The following SCHIP1 variants were observed in gnomAD, a reference collection of about 807,000 sequenced individuals.
The protein encoded by SCHIP1 is schwannomin interacting protein 1.
Under a neutral mutation model 29.7 loss-of-function variants are expected in SCHIP1, and 8 were observed. The observed-to-expected ratio is 0.27, with a 90% CI of 0.16 to 0.49. The LOEUF (loss-of-function observed/expected upper bound fraction) is 0.49. Ranked by LOEUF, SCHIP1 falls within the 20% of genes least tolerant of loss-of-function variation. SCHIP1 has a pLI of 0.99. For synonymous variants in SCHIP1, 76 were observed against 94.9 expected (o/e 0.80, Z 1.16); for missense variants, 193 against 294.6 (o/e 0.66, Z 2.52).
At chr3:159,645,115 C>T in the SCHIP1 span, among the ~76,000 whole-genome samples, 33 of 152,160 alleles carry the variant, frequency 2.2e-4, no homozygotes, top group African/African-American at 7.2e-4. Context: ...ATTATTCCAG[C>T]GGGAAGAAAA....
the SCHIP1 span, among the ~76,000 whole-genome samples, chr3:159,365,929 C>T: frequency 6.6e-6 from 1 of 152,092 alleles, no homozygotes; most frequent in Admixed American, 6.6e-5. Flanking sequence ...CTTTGGGTTC[C>T]CAACAACCAC....
the SCHIP1 span, among the ~76,000 whole-genome samples, chr3:159,280,048 T>A: frequency 6.6e-6 from 1 of 152,182 alleles, no homozygotes; most frequent in Non-Finnish European, 1.5e-5. Flanking sequence ...TCTTCTATAA[T>A]GGGGGGTAGA....
chr3:159,399,060 C>T, the SCHIP1 span: 1 of 423,528 alleles, frequency 2.4e-6, no homozygotes, highest in Non-Finnish European at 3.2e-6. Flanking sequence ...GCTACACTGG[C>T]TTCATTGGTG....
At chr3:159,700,192 TC>T in the SCHIP1 span, among the ~76,000 whole-genome samples, 3 of 152,098 alleles carry the variant, frequency 2.0e-5, no homozygotes, top group East Asian at 5.8e-4. Context: ...TAATCTAACC[TC>T]CACATAATGA....
chr3:159,403,880 G>A, the SCHIP1 span, among the ~76,000 whole-genome samples: 1 of 152,132 alleles, frequency 6.6e-6, no homozygotes, highest in Non-Finnish European at 1.5e-5. Context: ...CCTTCCTTTA[G>A]CTTAAGGAGA....
chr3:159,546,207 GTTTTA>G, the SCHIP1 span, among the ~76,000 whole-genome samples: 1 of 151,840 alleles, frequency 6.6e-6, no homozygotes, highest in Admixed American at 6.6e-5. Flanking sequence ...GCCAAACCTT[GTTTTA>G]TTTTTATTGT....
At chr3:159,771,049 A>G in the SCHIP1 span, among the ~76,000 whole-genome samples, 1 of 152,228 alleles carries the variant, frequency 6.6e-6, no homozygotes, top group Non-Finnish European at 1.5e-5. Context: ...CTTCTGACGA[A>G]GTTATTTCCA....
chr3:159,525,460 C>A, the SCHIP1 span, among the ~76,000 whole-genome samples: 2 of 152,196 alleles, frequency 1.3e-5, no homozygotes, highest in South Asian at 4.1e-4. Flanking sequence ...TTAGACATAA[C>A]TGTTACCCTT....
At chr3:159,560,823 A>C in the SCHIP1 span, among the ~76,000 whole-genome samples, 1 of 152,134 alleles carries the variant, frequency 6.6e-6, no homozygotes. Flanking sequence ...TTGCTTGCTC[A>C]TGGGGTGCTC....
chr3:159,804,646 T>G, the SCHIP1 span, among the ~76,000 whole-genome samples: 1,015 of 152,324 alleles, frequency 6.7e-3, 22 homozygotes, highest in Non-Finnish European at 4.7e-3. Context: ...AAGCTTGCCT[T>G]TGTCCCCTCG....
chr3:159,462,294 G>A, the SCHIP1 span, among the ~76,000 whole-genome samples: 3 of 152,064 alleles, frequency 2.0e-5, no homozygotes, highest in Admixed American at 6.6e-5. Flanking sequence ...TGTGGGGAAC[G>A]GCCTGCCAGT....
the SCHIP1 span, among the ~76,000 whole-genome samples, chr3:159,659,332 C>T: frequency 6.6e-6 from 1 of 152,210 alleles, no homozygotes; most frequent in Non-Finnish European, 1.5e-5. Context: ...GCTGTGCTCT[C>T]TGTTGTGCCA....
At chr3:159,828,463 GTA>G in the SCHIP1 span, among the ~76,000 whole-genome samples, 60 of 125,088 alleles carry the variant, frequency 4.8e-4, 5 homozygotes, top group African/African-American at 1.8e-3. Context: ...GTATATATAT[GTA>G]TATATACACA....
the SCHIP1 span, chr3:159,401,278 C>G: frequency 1.1e-6 from 1 of 878,190 alleles, no homozygotes; most frequent in African/African-American, 1.8e-5. Flanking sequence ...GCTGAGCTTG[C>G]ATTTAGTGGT....
intron 2 of SCHIP1, among the ~76,000 whole-genome samples, chr3:159,881,158 ATT>A (rs1716399237): frequency 6.6e-6 from 1 of 152,196 alleles, no homozygotes; most frequent in African/African-American, 2.4e-5. Context: ...TTGTTCTCAC[ATT>A]GTTTCTTCAT....
At chr3:159,434,181 G>C in the SCHIP1 span, among the ~76,000 whole-genome samples, 7 of 152,186 alleles carry the variant, frequency 4.6e-5, no homozygotes, top group African/African-American at 1.7e-4. Context: ...CGATGTGCCA[G>C]GCACATTGCT....
At chr3:159,567,546 C>T in the SCHIP1 span, among the ~76,000 whole-genome samples, 1 of 152,070 alleles carries the variant, frequency 6.6e-6, no homozygotes, top group African/African-American at 2.4e-5. Flanking sequence ...GTACCTCCTT[C>T]CTCTTTAGCA....
the SCHIP1 span, among the ~76,000 whole-genome samples, chr3:159,659,009 A>T: frequency 2.6e-5 from 4 of 152,216 alleles, no homozygotes; most frequent in Non-Finnish European, 4.4e-5. Flanking sequence ...TCCCCTAGAC[A>T]TATGCCTCTC....
intron 1 of SCHIP1, among the ~76,000 whole-genome samples, chr3:159,841,798 T>C (rs1744245713): frequency 6.6e-6 from 1 of 152,200 alleles, no homozygotes; most frequent in Non-Finnish European, 1.5e-5. Context: ...TGTTTAATAG[T>C]TTTGAAGTAT....
Sources: allele counts gnomAD v4.1 joint callset (sites outside exome capture counted in the v4.1 genomes callset), GRCh38; gene constraint gnomAD v4.1.1; transcripts MANE v1.5; gene names NCBI Gene and HGNC (gene_info 2026-07-23, HGNC 2026-07-21).